Variants in DOP1A observed in about 807,000 individuals in gnomAD.
DOP1A encodes protein DOP1A.
A neutral mutation model predicts 267.6 loss-of-function variants in DOP1A; 90 were observed. The ratio of observed to expected loss-of-function variants is 0.34; its 90% CI spans 0.28 to 0.40. The LOEUF (loss-of-function observed/expected upper bound fraction) is 0.40, where lower values mean the gene tolerates loss of function less well. DOP1A is among the 10% of genes least tolerant of loss of function. The pLI is 1.00. For missense variants in DOP1A, 2,437 were observed against 2,900.4 expected (o/e 0.84, Z 3.67); for synonymous variants, 932 against 999.1 (o/e 0.93, Z 1.27).
intron 13 of DOP1A, 33 bp from the exon 14 acceptor site, chr6:83,125,133 C>A: frequency 1.3e-6 from 2 of 1,569,056 alleles, no homozygotes; most frequent in Admixed American, 4.2e-5. Context: ...CTTCTGTTTT[C>A]TCTCCTCACT....
At position 83,138,811 on chromosome 6, in the gene DOP1A, T is replaced by C. The variant is rs1247818834; in HGVS notation, c.4769T>C (p.Ile1590Thr). ...CTTCTTAAGGTGCTTCAGAGGCTGATTGTTCTAGAACACAGAGTAATGACT... is the reference window on the plus strand; with the variant it reads ...CTTCTTAAGGTGCTTCAGAGGCTGACTGTTCTAGAACACAGAGTAATGACT... ...SQLLKVLQRL[I>T]VLEHRVMTIP... Residue 1590 changes from isoleucine to threonine, a missense_variant, in exon 21 of 39, where the codon ATT (isoleucine) becomes ACT (threonine). This residue lies in a region of DOP1A where 878 missense variants were observed against 992.9 expected (regional missense o/e 0.88). Transcript: ENST00000349129. 3.7e-6 allele frequency: 6 copies of C among 1,613,866 alleles called. No individual in the cohort carries two copies. In the East Asian group the frequency reaches 6.7e-5, roughly 18 times the overall value.
intron 27 of DOP1A, among the ~76,000 whole-genome samples, chr6:83,150,350 A>G (rs1488079834): frequency 1.3e-5 from 2 of 152,126 alleles, no homozygotes; most frequent in African/African-American, 4.8e-5. Context: ...TAATTTCATC[A>G]AAAAATTAAG....
chr6:83,120,884 T>A, intron 10 of DOP1A, 93 bp downstream of exon 10: 1 of 948,286 alleles, frequency 1.1e-6, no homozygotes, highest in Non-Finnish European at 1.5e-6. Context: ...TGTTATATTT[T>A]GAGGTGGCCT....
At chr6:83,072,783 T>C (rs1318309915) in intron 1 of DOP1A, among the ~76,000 whole-genome samples, 1 of 152,226 alleles carries the variant, frequency 6.6e-6, no homozygotes, top group Non-Finnish European at 1.5e-5. Flanking sequence ...ATATGTGTTA[T>C]TTTTATCGAA....
In DOP1A at chr6:83,096,831, A is replaced by G; in HGVS notation, c.-54+8A>G. ...TTTCAACCACTGCTAACAGTAAGGAACATTTTCAAGTTAGTCATTACCTTT... is the reference window on the plus strand; with the variant it reads ...TTTCAACCACTGCTAACAGTAAGGAGCATTTTCAAGTTAGTCATTACCTTT... On this transcript the variant is annotated splice_region_variant and intron_variant, in intron 2 of 38. Transcript: ENST00000349129. The G allele has an allele frequency of 1.1e-6, 1 of 887,340 alleles. No homozygotes were observed. The allele number at this position is 887,340 out of a possible 1,614,324, so 55.0% of individuals were successfully genotyped here.
At position 83,151,866 on chromosome 6, in the gene DOP1A, C is replaced by T; in HGVS notation, c.5905-17C>T. 6.2e-7 allele frequency: 1 copy of T among 1,611,920 alleles called. No individual in the cohort carries two copies. On this transcript the variant is annotated splice_polypyrimidine_tract_variant and intron_variant, in intron 28 of 38. Transcript: ENST00000349129. ...CATGTGTGTACCATACATAGTTGTT[C>T]TTCCTTATTTTTTTAGGATGTAACT... is the stretch of plus-strand genomic sequence containing the variant.
At chr6:83,132,069 C>G (rs7768488) in intron 17 of DOP1A, 107 bp from the exon 18 acceptor site, 13,211 of 1,320,080 alleles carry the variant, frequency 0.01, 446 homozygotes, top group African/African-American at 0.08. Context: ...ATATTAAAAG[C>G]CTTTCAGGTC....
chr6:83,128,587 A>T (rs1777551888), intron 15 of DOP1A, among the ~76,000 whole-genome samples: 1 of 152,218 alleles, frequency 6.6e-6, no homozygotes, highest in South Asian at 2.1e-4. Context: ...CATTGTTTAG[A>T]CATTAGGAAA....
chr6:83,148,804 A>G lies in DOP1A; in HGVS notation c.5778A>G (p.Ile1926Met), dbSNP rs780052073. The G allele has an allele frequency of 1.9e-6, 3 of 1,563,110 alleles. No homozygotes were observed. The highest frequency in any genetic ancestry group is 1.2e-5 in the South Asian group (1 of 80,044). ...TGGATAGCTGGGCGTCACTGTTGAT[A>G]CTTCTGAAAGACTCTATACAACTGA... ...NLVDSWASLL[I>M]LLKDSIQLSL... Residue 1926 changes from isoleucine (I) to methionine (M), a missense_variant, in exon 27 of 39, where the codon ATA (isoleucine) becomes ATG (methionine). Ile to Met is a conservative substitution (Grantham distance 10). Around this residue, in one of 9 missense-constraint regions of DOP1A, gnomAD observed 216 missense variants for 283.3 expected, o/e 0.76. Coordinates refer to ENST00000349129, the MANE Select transcript of DOP1A (RefSeq NM_015018.4).
At chr6:83,093,070 T>G (rs570932849) in intron 1 of DOP1A, among the ~76,000 whole-genome samples, 3 of 152,290 alleles carry the variant, frequency 2.0e-5, no homozygotes, top group African/African-American at 7.2e-5. Context: ...TTTATATTAT[T>G]TTAAGTCCCT....
At chr6:83,169,527 T>G (rs1237409339), downstream of DOP1A, 1 of 578,458 alleles carries the variant, frequency 1.7e-6, no homozygotes, top group Non-Finnish European at 3.0e-6. Flanking sequence ...CAAATTCTTC[T>G]AAATAAGGTA....
chr6:83,145,768 G>C, intron 25 of DOP1A, 110 bp downstream of exon 25: 2 of 1,015,528 alleles, frequency 2.0e-6, no homozygotes, highest in Non-Finnish European at 2.8e-6. Flanking sequence ...AGATTGCAGA[G>C]ATGACTGCAT....
chr6:83,167,397 A>T, intron 38 of DOP1A: 1 of 981,568 alleles, frequency 1.0e-6, no homozygotes, highest in Non-Finnish European at 1.2e-6. Flanking sequence ...TGGCAAATTT[A>T]GGCCATTTAG....
At chr6:83,128,855 C>G in intron 15 of DOP1A, 32 bp from the exon 16 acceptor site, 1 of 1,511,290 alleles carries the variant, frequency 6.6e-7, no homozygotes, top group Non-Finnish European at 8.8e-7. Flanking sequence ...CTTTGCTACT[C>G]AGCCTTTTGT....
At chr6:83,100,578 G>A (rs1180951730) in intron 3 of DOP1A, 127 bp from the exon 4 acceptor site, 1 of 545,086 alleles carries the variant, frequency 1.8e-6, no homozygotes, top group East Asian at 3.2e-5. Flanking sequence ...GGTATATATA[G>A]GCAAATGTAG....
chr6:83,168,613 C>T (rs893812669), downstream of DOP1A: 1 of 997,506 alleles, frequency 1.0e-6, no homozygotes, highest in Non-Finnish European at 1.2e-6. Context: ...TCCCACATAC[C>T]TTCACCAAGA....
chr6:83,114,408 A>G (rs1582986136), intron 7 of DOP1A, among the ~76,000 whole-genome samples: 1 of 152,218 alleles, frequency 6.6e-6, no homozygotes, highest in East Asian at 1.9e-4. Flanking sequence ...CCAATGCTCT[A>G]TTATAGGGAT....
At chr6:83,145,428 T>A (rs1355825647) in intron 24 of DOP1A, 96 bp from the exon 25 acceptor site, 2 of 1,128,964 alleles carry the variant, frequency 1.8e-6, no homozygotes, top group Non-Finnish European at 2.4e-6. Flanking sequence ...ATTTAAAAAA[T>A]ATAAAAAAAG....
chr6:83,085,587 CA>C (rs966210798), intron 1 of DOP1A, among the ~76,000 whole-genome samples: 10 of 150,932 alleles, frequency 6.6e-5, no homozygotes, highest in Non-Finnish European at 1.0e-4. Flanking sequence ...GCCTAGAATG[CA>C]AAAAAAATTG....
Sources: allele counts gnomAD v4.1 joint callset (sites outside exome capture counted in the v4.1 genomes callset), GRCh38; gene constraint gnomAD v4.1.1; regional missense constraint gnomAD v4.1.1; transcripts MANE v1.5; gene names NCBI Gene and HGNC (gene_info 2026-07-23, HGNC 2026-07-21).